The following NPPC variants were observed in gnomAD, a reference collection of about 807,000 sequenced individuals.
The protein encoded by NPPC is C-type natriuretic peptide.
In NPPC, 4 loss-of-function variants were observed where a neutral mutation model predicts 10.2. The ratio of observed to expected loss-of-function variants is 0.39; its 90% CI spans 0.19 to 0.90. The LOEUF is 0.90. NPPC is among the 40% of genes least tolerant of loss of function. NPPC has a pLI of 0.37. For missense variants in NPPC, 182 were observed against 173.8 expected (o/e 1.05, Z -0.26); for synonymous variants, 83 against 87.3 (o/e 0.95, Z 0.27).
At position 231,925,276 on chromosome 2, in the gene NPPC, A is replaced by T. The variant is rs1691986513; in HGVS notation, c.*20+129T>A. 6.8e-6 allele frequency: 5 copies of T among 733,904 alleles called. No individual in the cohort carries two copies. In the East Asian group the frequency reaches 1.7e-4, roughly 25 times the overall value. 45.5% of individuals were successfully genotyped at this position (733,904 alleles called of 1,614,324 possible). A position where few individuals can be genotyped will look rare whatever the true frequency, so the allele number is the denominator to read the frequency against. ...CTTTCTTTGTCTGTAAAGTGGGATA[A>T]TAAAGGGGGCGGCTGGCAAACGCCT... On this transcript the variant is annotated intron_variant, in intron 2 of 2. Coordinates refer to ENST00000409852, the MANE Select transcript of NPPC (RefSeq NM_024409.4).
intron 2 of NPPC, among the ~76,000 whole-genome samples, chr2:231,924,549 G>C (rs373810293): frequency 1.8e-4 from 28 of 152,242 alleles, no homozygotes; most frequent in Admixed American, 7.2e-4. Flanking sequence ...ATGTTATTCA[G>C]TGGGCACGGG....
intron 2 of NPPC, among the ~76,000 whole-genome samples, chr2:231,923,949 A>T (rs551842152): frequency 1.1e-4 from 17 of 152,352 alleles, no homozygotes; most frequent in African/African-American, 4.1e-4. Flanking sequence ...GACAGGAGAG[A>T]AGAGAGCAAA....
chr2:231,925,880 C>A (rs1017498111), intron 1 of NPPC, among the ~76,000 whole-genome samples, 165 bp from the exon 2 acceptor site: 25 of 152,366 alleles, frequency 1.6e-4, no homozygotes, highest in African/African-American at 5.5e-4. Flanking sequence ...GCCACGCGGC[C>A]GCCTTCGCCG....
At position 231,925,385 on chromosome 2, in the gene NPPC, G is replaced by T. The variant is rs772018967; in HGVS notation, c.*20+20C>A. 24 of 1,527,036 alleles carry T rather than the reference G, an allele frequency of 1.6e-5. No homozygotes were observed. Among genetic ancestry groups the T allele is most frequent in the East Asian group, 2.6e-5 (1 of 39,110 alleles). The allele number at this position is 1,527,036 out of a possible 1,614,324, so 94.6% of individuals were successfully genotyped here. A position where few individuals can be genotyped will look rare whatever the true frequency, so the allele number is the denominator to read the frequency against. On this transcript the variant is annotated intron_variant, in intron 2 of 2. Coordinates refer to ENST00000409852, the MANE Select transcript of NPPC (RefSeq NM_024409.4). The stretch of plus-strand genomic sequence containing the variant: ...GTCCCGGGCCGGGCTGGGGCTGGGC[G>T]TCGGGTGGGCCGTACTCACCGCCGC...
In NPPC at chr2:231,924,211, G is replaced by A. The variant is rs1374045125; in HGVS notation, c.*20+1194C>T. On this transcript the variant is annotated intron_variant, in intron 2 of 2. Coordinates refer to ENST00000409852, the MANE Select transcript of NPPC (RefSeq NM_024409.4). ...CAAATATTTCCACGAGTCTGTTCGG[G>A]GTGCAGTGGGTCCTAGAGTGCCTTA... 2.0e-5 allele frequency among the ~76,000 whole-genome samples: 3 copies of A among 152,244 alleles called. No individual in the cohort carries two copies. In the East Asian group the frequency reaches 5.8e-4, roughly 29 times the overall value.
chr2:231,924,308 T>C (rs924135111), intron 2 of NPPC, among the ~76,000 whole-genome samples: 11 of 152,370 alleles, frequency 7.2e-5, no homozygotes, highest in African/African-American at 2.6e-4. Context: ...AAAAGTGTTC[T>C]GTACTGTAAA....
intron 2 of NPPC, 50 bp downstream of exon 2, chr2:231,925,355 G>T: frequency 2.2e-6 from 3 of 1,388,382 alleles, no homozygotes; most frequent in East Asian, 2.9e-5. Flanking sequence ...GCTGGGCGGC[G>T]GGCGGTCCCG....
chr2:231,926,209 G>A lies in NPPC; in HGVS notation c.41C>T (p.Thr14Met), dbSNP rs1198538681. 4 of 1,332,430 alleles carry A rather than the reference G, an allele frequency of 3.0e-6. No homozygotes were observed. The highest frequency in any genetic ancestry group is 9.6e-7 in the Non-Finnish European group (1 of 1,037,910). 82.5% of individuals were successfully genotyped at this position (1,332,430 alleles called of 1,614,324 possible). A position where few individuals can be genotyped will look rare whatever the true frequency, so the allele number is the denominator to read the frequency against. ...TTCGGAGGGCCGGAGGGAGAGCAGC[G>A]TGAGCAGCAGGGCGCAGGCCAGCAG... ...SQLLACALLL[T>M]LLSLRPSEAK... Residue 14 changes from threonine to methionine, a missense_variant, in exon 1 of 3, where the codon ACG becomes ATG. By Grantham distance (81) the Thr-to-Met change is moderately conservative. Coordinates refer to ENST00000409852, the MANE Select transcript of NPPC (RefSeq NM_024409.4).
chr2:231,926,294 G>T lies in NPPC; in HGVS notation c.-45C>A, dbSNP rs1692008260. On this transcript the variant is annotated 5_prime_UTR_variant, in exon 1 of 3. Transcript: ENST00000409852. ...GGCGCACACGGGCGGCAGCGAGGGC[G>T]CGCAGGTCGGCGGGCAGACCAGCAG... 1.6e-6 allele frequency: 2 copies of T among 1,224,062 alleles called. No individual in the cohort carries two copies. Among genetic ancestry groups the T allele is most frequent in the Non-Finnish European group, 1.0e-6 (1 of 967,922 alleles). 75.8% of individuals were successfully genotyped at this position (1,224,062 alleles called of 1,614,324 possible).
At chr2:231,922,772 G>C (rs572108577) in intron 2 of NPPC, among the ~76,000 whole-genome samples, 1 of 152,186 alleles carries the variant, frequency 6.6e-6, no homozygotes, top group Non-Finnish European at 1.5e-5. Context: ...CTACTCTGAC[G>C]TTGGGTCCCT....
intron 2 of NPPC, among the ~76,000 whole-genome samples, chr2:231,923,116 C>T (rs535172353): frequency 5.9e-5 from 9 of 152,326 alleles, no homozygotes; most frequent in African/African-American, 2.2e-4. Flanking sequence ...CAGGGGCGTT[C>T]AGTGCCCTCC....
chr2:231,925,841 T>C (rs925157641), intron 1 of NPPC, 126 bp from the exon 2 acceptor site: 6 of 1,177,266 alleles, frequency 5.1e-6, no homozygotes, highest in Non-Finnish European at 5.6e-6. Flanking sequence ...CCCCCACCGA[T>C]GCCGGCCAGC....
chr2:231,925,593 C>G lies in NPPC; in HGVS notation c.213G>C (p.Leu71=). Residue 71 remains leucine, a synonymous_variant, in exon 2 of 3, where the codon CTG becomes CTC. Transcript: ENST00000409852. ...GANLKGDRSR[L]LRDLRVDTKS... is the part of the protein sequence containing the mutation. ...TGGTGTCCACGCGCAGGTCCCGGAG[C>G]AGTCGCGACCGGTCGCCCTTGAGAT... 6.2e-7 allele frequency: 1 copy of G among 1,611,816 alleles called. No homozygotes were observed. The highest frequency in any genetic ancestry group is 8.5e-7 in the Non-Finnish European group (1 of 1,179,470).
At chr2:231,925,153 C>T (rs985941522) in intron 2 of NPPC, among the ~76,000 whole-genome samples, 3 of 152,224 alleles carry the variant, frequency 2.0e-5, no homozygotes, top group African/African-American at 7.2e-5. Context: ...TGAGACACCA[C>T]CAAGCCTGTT....
Sources: gnomAD v4.1 joint callset for allele counts (sites outside exome capture counted in the v4.1 genomes callset) on GRCh38, gnomAD v4.1.1 for gene constraint, MANE v1.5 for transcripts, NCBI Gene and HGNC (gene_info 2026-07-23, HGNC 2026-07-21) for gene names.